The following COL25A1 variants were observed in gnomAD, a reference collection of about 807,000 sequenced individuals.
COL25A1 encodes the protein collagen alpha-1(XXV) chain.
In COL25A1, 103 loss-of-function variants were observed where a neutral mutation model predicts 128.4. The observed-to-expected ratio is 0.80, with a 90% confidence interval of 0.68 to 0.94. The LOEUF is 0.94. COL25A1 is among the 40% of genes least tolerant of loss of function. The pLI is 0.00. For missense variants in COL25A1, 745 were observed against 840.0 expected, an observed-to-expected ratio of 0.89 and a Z score of 1.40; for synonymous variants, 279 against 277.2, an observed-to-expected ratio of 1.01 and a Z score of -0.06.
intron 31 of COL25A1, among the ~76,000 whole-genome samples, chr4:108,837,244 C>G (rs1364228379): frequency 6.6e-6 from 1 of 151,918 alleles, no homozygotes; most frequent in East Asian, 1.9e-4. Context: ...TGGTCATCAG[C>G]TTTTTTTTCC....
intron 3 of COL25A1, 129 bp from the exon 4 acceptor site, chr4:109,050,308 T>C: frequency 1.5e-6 from 1 of 655,704 alleles, no homozygotes. Flanking sequence ...GGATCAGATA[T>C]TTGTAAAGGT....
At chr4:108,881,541 T>C (rs1048159496) in intron 19 of COL25A1, among the ~76,000 whole-genome samples, 2 of 152,210 alleles carry the variant, frequency 1.3e-5, no homozygotes, top group Non-Finnish European at 2.9e-5. Context: ...CCACACATTC[T>C]ATATCCATAT....
chr4:108,889,193 A>C, intron 18 of COL25A1, 28 bp downstream of exon 18: 1 of 1,597,030 alleles, frequency 6.3e-7, no homozygotes. Context: ...ATGAGACAGT[A>C]GGAACACACT....
chr4:108,994,595 C>T (rs1163572941), intron 6 of COL25A1, among the ~76,000 whole-genome samples: 1 of 152,222 alleles, frequency 6.6e-6, no homozygotes, highest in African/African-American at 2.4e-5. Flanking sequence ...TGTCTGACAG[C>T]TCTGAAGAGA....
At chr4:109,202,392 G>C (rs1776620659) in intron 3 of COL25A1, among the ~76,000 whole-genome samples, 1 of 150,614 alleles carries the variant, frequency 6.6e-6, no homozygotes, top group African/African-American at 2.4e-5. Flanking sequence ...GGCATGACTG[G>C]ATATCCATAT....
chr4:109,191,545 G>A (rs1456418767), intron 3 of COL25A1, among the ~76,000 whole-genome samples: 3 of 152,160 alleles, frequency 2.0e-5, no homozygotes, highest in African/African-American at 7.2e-5. Context: ...CAGCTTTGAG[G>A]ACTCTCCTGT....
chr4:109,243,976 TA>T (rs1780080821), intron 3 of COL25A1, among the ~76,000 whole-genome samples: 1 of 152,036 alleles, frequency 6.6e-6, no homozygotes, highest in East Asian at 1.9e-4. Flanking sequence ...CATTAAAGAT[TA>T]AAACAGTCTA....
chr4:109,084,458 A>C (rs1360450748), intron 3 of COL25A1, among the ~76,000 whole-genome samples: 6 of 152,220 alleles, frequency 3.9e-5, no homozygotes, highest in Non-Finnish European at 5.9e-5. Flanking sequence ...AAGTAGAAAG[A>C]ACACACTTTT....
chr4:109,026,100 G>GCGCACACA (rs369513602), intron 5 of COL25A1, among the ~76,000 whole-genome samples: 3 of 137,046 alleles, frequency 2.2e-5, no homozygotes, highest in East Asian at 2.1e-4. Context: ...AAAACACTTT[G>GCGCACACA]CACACACACA....
intron 5 of COL25A1, among the ~76,000 whole-genome samples, chr4:109,035,727 T>C (rs113305953): frequency 9.9e-5 from 15 of 152,182 alleles, no homozygotes; most frequent in African/African-American, 3.1e-4. Flanking sequence ...CTTCATATTA[T>C]AGGAAATATA....
chr4:109,080,901 G>A (rs1763777958), intron 3 of COL25A1, among the ~76,000 whole-genome samples: 3 of 152,012 alleles, frequency 2.0e-5, no homozygotes, highest in Non-Finnish European at 2.9e-5. Flanking sequence ...CATATGATAC[G>A]CCAAGCATTG....
intron 3 of COL25A1, among the ~76,000 whole-genome samples, chr4:109,284,622 G>T (rs188904943): frequency 6.6e-6 from 1 of 152,072 alleles, no homozygotes; most frequent in African/African-American, 2.4e-5. Context: ...ACTTTCTCAC[G>T]CTTAGGCATT....
chr4:108,813,567 C>A lies in COL25A1; in HGVS notation c.*360G>T. ...ATAGCTTTGAGTCCATATTTGGTCA[C>A]CATTTCATGTAAACTATTTCATGGC... On this transcript the variant is annotated 3_prime_UTR_variant, in exon 38 of 38. Transcript: ENST00000399132. 4.5e-6 allele frequency: 1 copy of A among 220,762 alleles called. No homozygotes were observed. The allele number at this position is 220,762 out of a possible 1,614,324, so 13.7% of individuals were successfully genotyped here.
chr4:109,195,093 C>T (rs1775916299), intron 3 of COL25A1, among the ~76,000 whole-genome samples: 2 of 152,014 alleles, frequency 1.3e-5, no homozygotes, highest in Non-Finnish European at 1.5e-5. Context: ...TATACACCTC[C>T]TAGGTACCCA....
chr4:108,907,766 C>A (rs912691220), intron 13 of COL25A1, among the ~76,000 whole-genome samples: 3 of 151,954 alleles, frequency 2.0e-5, no homozygotes, highest in Non-Finnish European at 2.9e-5. Context: ...TTTATCGTTT[C>A]TTTTCTGTTT....
intron 5 of COL25A1, among the ~76,000 whole-genome samples, chr4:109,013,160 T>C (rs1756823338): frequency 6.6e-6 from 1 of 152,204 alleles, no homozygotes; most frequent in Non-Finnish European, 1.5e-5. Context: ...ATCAGTGCTC[T>C]GTGTCTAGCT....
intron 6 of COL25A1, among the ~76,000 whole-genome samples, chr4:108,975,568 G>A (rs545296305): frequency 5.3e-5 from 8 of 152,254 alleles, no homozygotes; most frequent in South Asian, 4.1e-4. Context: ...ACATATGTTC[G>A]GTTTTAGTAG....
intron 21 of COL25A1, among the ~76,000 whole-genome samples, chr4:108,863,054 T>A (rs1473159315): frequency 1.3e-5 from 2 of 152,238 alleles, no homozygotes; most frequent in Middle Eastern, 3.2e-3. Flanking sequence ...TAAGTTTTAA[T>A]ACACATTGAG....
intron 24 of COL25A1, among the ~76,000 whole-genome samples, chr4:108,857,128 C>G (rs749649495): frequency 1.3e-5 from 2 of 152,024 alleles, no homozygotes; most frequent in Non-Finnish European, 2.9e-5. Context: ...TATATTGGAA[C>G]AGTTCTTGGA....
Sources: gnomAD v4.1 joint callset for allele counts (sites outside exome capture counted in the v4.1 genomes callset) on GRCh38, gnomAD v4.1.1 for gene constraint, MANE v1.5 for transcripts, NCBI Gene and HGNC (gene_info 2026-07-23, HGNC 2026-07-21) for gene names.